The following TMEM132D variants were observed in gnomAD, a reference collection of about 807,000 sequenced individuals.
TMEM132D encodes transmembrane protein 132D.
Under a neutral mutation model 62.3 loss-of-function variants are expected in TMEM132D, and 21 were observed. The ratio of observed to expected loss-of-function variants is 0.34; its 90% CI spans 0.24 to 0.49. The LOEUF (loss-of-function observed/expected upper bound fraction) is 0.49, where lower values mean the gene tolerates loss of function less well. Among genes scored for constraint, TMEM132D ranks in the 20% least tolerant of loss-of-function variants. The pLI, the probability that TMEM132D is intolerant of heterozygous loss-of-function variation, is 0.99. For synonymous variants in TMEM132D, 621 were observed against 575.6 expected (o/e 1.08, Z -1.13); for missense variants, 1,346 against 1,402.8 (o/e 0.96, Z 0.65).
At chr12:129,340,907 G>A (rs140208968) in intron 3 of TMEM132D, among the ~76,000 whole-genome samples, 33 of 152,264 alleles carry the variant, frequency 2.2e-4, no homozygotes, top group African/African-American at 7.7e-4. Flanking sequence ...CGTTGTATGC[G>A]CGTGATTTTC....
At chr12:129,331,173 T>A (rs1869091111) in intron 4 of TMEM132D, among the ~76,000 whole-genome samples, 1 of 152,188 alleles carries the variant, frequency 6.6e-6, no homozygotes, top group Admixed American at 6.5e-5. Flanking sequence ...TCCATCAGAA[T>A]CACGTTTGAG....
At chr12:129,849,261 AT>A (rs757703157) in intron 1 of TMEM132D, among the ~76,000 whole-genome samples, 6 of 152,220 alleles carry the variant, frequency 3.9e-5, no homozygotes, top group Non-Finnish European at 7.3e-5. Flanking sequence ...ACATCTCTAT[AT>A]ATAAATACGC....
chr12:129,754,182 C>A (rs541893227), intron 1 of TMEM132D, among the ~76,000 whole-genome samples: 1 of 152,254 alleles, frequency 6.6e-6, no homozygotes, highest in Admixed American at 6.5e-5. Flanking sequence ...TTCTTCACCC[C>A]GCCTGACCTT....
At chr12:129,451,052 G>A (rs61943129) in intron 3 of TMEM132D, among the ~76,000 whole-genome samples, 32,279 of 151,932 alleles carry the variant, frequency 0.21, 4,372 homozygotes, top group Non-Finnish European at 0.3. Context: ...GTGAGCCACC[G>A]CGCCCGGCCA....
chr12:129,274,764 G>C (rs566992259), intron 4 of TMEM132D, among the ~76,000 whole-genome samples: 18 of 152,244 alleles, frequency 1.2e-4, no homozygotes, highest in African/African-American at 3.9e-4. Flanking sequence ...GCGGGCGCCT[G>C]TGGTCCCAGC....
intron 3 of TMEM132D, among the ~76,000 whole-genome samples, chr12:129,364,511 G>T (rs12304268): frequency 6.6e-6 from 1 of 152,094 alleles, no homozygotes; most frequent in African/African-American, 2.4e-5. Flanking sequence ...GACGTATAGC[G>T]TAATTTTGTA....
rs1356959840 is a variant in TMEM132D at position 129,371,537 on chromosome 12, T to TGATGATGATGATGATGATGGC, written c.1116-33741_1116-33721dup. On this transcript the variant is annotated intron_variant, in intron 3 of 8. Transcript: ENST00000422113. This position sits in a 1 kb window ranked among gnomAD's most constrained non-coding sequence, Gnocchi z 4.3. The stretch of plus-strand genomic sequence containing the variant: ...ATGGTGGTGATTATGATGATGATTA[T>TGATGATGATGATGATGATGGC]GATGATGATGATGATGATGGCGATG... Among the ~76,000 whole-genome samples the TGATGATGATGATGATGATGGC allele has an allele frequency of 3.3e-5, 5 of 149,698 alleles. No homozygotes were observed. Among genetic ancestry groups the TGATGATGATGATGATGATGGC allele is most frequent in the African/African-American group, 1.2e-4 (5 of 40,840 alleles).
At chr12:129,749,887 A>T (rs557766284) in intron 1 of TMEM132D, among the ~76,000 whole-genome samples, 5 of 152,298 alleles carry the variant, frequency 3.3e-5, no homozygotes, top group Admixed American at 3.3e-4. Context: ...CTGCCAAGAA[A>T]GTCAGTTAGT....
intron 1 of TMEM132D, among the ~76,000 whole-genome samples, chr12:129,862,095 G>A (rs7299057): frequency 0.13 from 20,302 of 152,162 alleles, 1,422 homozygotes; most frequent in Middle Eastern, 0.16. Flanking sequence ...TCTGAGTCAT[G>A]ATAAAGCTGC....
At chr12:129,641,850 A>T (rs1056896400) in intron 2 of TMEM132D, among the ~76,000 whole-genome samples, 2 of 152,186 alleles carry the variant, frequency 1.3e-5, no homozygotes, top group African/African-American at 4.8e-5. Flanking sequence ...GTCCTGCAGC[A>T]GCGCATCTGA....
At chr12:129,319,135 T>C (rs1477202514) in intron 4 of TMEM132D, among the ~76,000 whole-genome samples, 1 of 152,134 alleles carries the variant, frequency 6.6e-6, no homozygotes, top group Non-Finnish European at 1.5e-5. Flanking sequence ...CTCGCCCCAT[T>C]CAAATTGTTA....
At chr12:129,211,623 C>T (rs11615997) in intron 4 of TMEM132D, among the ~76,000 whole-genome samples, 38,645 of 152,072 alleles carry the variant, frequency 0.25, 5,013 homozygotes, top group East Asian at 0.34. Flanking sequence ...AACCAGCTCA[C>T]TGGGGTTAGG....
intron 5 of TMEM132D, among the ~76,000 whole-genome samples, chr12:129,136,002 G>C (rs1259679209): frequency 6.6e-6 from 1 of 152,136 alleles, no homozygotes; most frequent in Non-Finnish European, 1.5e-5. Flanking sequence ...TAAAGTACCT[G>C]TGATTAGGAC....
chr12:129,829,124 C>T (rs1382900959), intron 1 of TMEM132D, among the ~76,000 whole-genome samples: 3 of 152,046 alleles, frequency 2.0e-5, no homozygotes, highest in Non-Finnish European at 2.9e-5. Context: ...ATTGAATTTT[C>T]TGTTACTTGC....
chr12:129,366,037 T>G (rs999828567), intron 3 of TMEM132D, among the ~76,000 whole-genome samples: 6 of 152,160 alleles, frequency 3.9e-5, no homozygotes, highest in African/African-American at 1.4e-4. Context: ...TCATTCTATA[T>G]TTTAATAATT....
chr12:129,755,741 T>C (rs1870148796), intron 1 of TMEM132D, among the ~76,000 whole-genome samples: 1 of 152,202 alleles, frequency 6.6e-6, no homozygotes, highest in Non-Finnish European at 1.5e-5. Flanking sequence ...GCATACTCTG[T>C]TTCAGAGAAG....
chr12:129,116,021 C>T (rs781387314), intron 5 of TMEM132D, among the ~76,000 whole-genome samples: 10 of 152,222 alleles, frequency 6.6e-5, no homozygotes, highest in East Asian at 3.8e-4. Context: ...AAAATGCCTC[C>T]GCAGGCCATC....
intron 2 of TMEM132D, among the ~76,000 whole-genome samples, chr12:129,538,604 A>G (rs1876477999): frequency 6.6e-6 from 1 of 151,642 alleles, no homozygotes; most frequent in Non-Finnish European, 1.5e-5. Context: ...AATTAGACAC[A>G]GGAGGAGATT....
chr12:129,795,727 T>C (rs1163593754), intron 1 of TMEM132D, among the ~76,000 whole-genome samples: 1 of 152,252 alleles, frequency 6.6e-6, no homozygotes, highest in Non-Finnish European at 1.5e-5. Flanking sequence ...GTAGTTGACA[T>C]ACATCTAGAG....
Sources: allele counts gnomAD v4.1 joint callset (sites outside exome capture counted in the v4.1 genomes callset), GRCh38; gene constraint gnomAD v4.1.1; non-coding constraint Gnocchi (gnomAD v3.1); transcripts MANE v1.5; gene names NCBI Gene and HGNC (gene_info 2026-07-23, HGNC 2026-07-21).